The following RABGAP1L variants were observed in gnomAD, a reference collection of about 807,000 sequenced individuals.
RABGAP1L encodes the protein rab GTPase-activating protein 1-like.
Under a neutral mutation model 137.7 loss-of-function variants are expected in RABGAP1L, and 63 were observed. The ratio of observed to expected loss-of-function variants is 0.46; its 90% CI spans 0.37 to 0.56. The LOEUF (loss-of-function observed/expected upper bound fraction) is 0.56. RABGAP1L is among the 20% of genes least tolerant of loss of function. RABGAP1L has a pLI of 0.00. For synonymous variants in RABGAP1L, 431 were observed against 433.7 expected (o/e 0.99, Z 0.08); for missense variants, 1,095 against 1,244.0 (o/e 0.88, Z 1.80).
At chr1:174,249,597 A>G (rs1672548013) in intron 5 of RABGAP1L, among the ~76,000 whole-genome samples, 1 of 145,842 alleles carries the variant, frequency 6.9e-6, no homozygotes, top group Non-Finnish European at 1.5e-5. Context: ...TATTTGAAAG[A>G]TAGCTTTTTT....
chr1:174,368,538 G>C (rs1684839995), intron 11 of RABGAP1L, among the ~76,000 whole-genome samples: 2 of 152,070 alleles, frequency 1.3e-5, no homozygotes, highest in Non-Finnish European at 2.9e-5. Context: ...GCATTTAAAA[G>C]ATTCATGAAA....
At chr1:174,979,352 T>G (rs559516956) in intron 23 of RABGAP1L, among the ~76,000 whole-genome samples, 1 of 152,332 alleles carries the variant, frequency 6.6e-6, no homozygotes, top group East Asian at 1.9e-4. Flanking sequence ...AACTTATTAC[T>G]TATAGCTTAT....
chr1:174,435,556 T>C (rs1295601379), intron 13 of RABGAP1L, among the ~76,000 whole-genome samples: 1 of 152,206 alleles, frequency 6.6e-6, no homozygotes, highest in Non-Finnish European at 1.5e-5. Flanking sequence ...TTAGAATTTT[T>C]AATTGAAATT....
intron 7 of RABGAP1L, among the ~76,000 whole-genome samples, chr1:174,254,034 C>T (rs1231959958): frequency 6.6e-6 from 1 of 151,890 alleles, no homozygotes; most frequent in Non-Finnish European, 1.5e-5. Context: ...TGGCTGATGG[C>T]ATCATGGCCA....
Position 174,327,962 on chromosome 1 carries a change from TATATATATATATATATACACACAC to T in RABGAP1L, c.1465+22853_1465+22876del, listed in dbSNP as rs1282785466. ...AAAGGATATAACAGTTGTAAATATA[TATATATATATATATATACACACAC>T]ATATATATATATATATATATATATA... On this transcript the variant is annotated intron_variant, in intron 11 of 25. Coordinates refer to ENST00000681986, the MANE Select transcript of RABGAP1L (RefSeq NM_001366446.1). Among the ~76,000 whole-genome samples the T allele has an allele frequency of 1.9e-3, 24 of 12,908 alleles. 1 individual carries two copies. The highest frequency in any genetic ancestry group is 0.017 in the African/African-American group (24 of 1,444). The allele number at this position is 12,908 out of a possible 152,430, so 8.5% of individuals were successfully genotyped here.
At chr1:174,867,590 T>C (rs1651495717) in intron 19 of RABGAP1L, among the ~76,000 whole-genome samples, 1 of 152,202 alleles carries the variant, frequency 6.6e-6, no homozygotes, top group Non-Finnish European at 1.5e-5. Flanking sequence ...GGAAAAAACC[T>C]GAGCCTTTGT....
chr1:174,652,947 T>G (rs981999306), intron 14 of RABGAP1L, among the ~76,000 whole-genome samples: 6 of 152,162 alleles, frequency 3.9e-5, no homozygotes, highest in African/African-American at 1.4e-4. Context: ...GAGTTTTATC[T>G]CTAAGGTCCT....
At chr1:174,680,912 G>A (rs956613385) in intron 14 of RABGAP1L, among the ~76,000 whole-genome samples, 2 of 151,902 alleles carry the variant, frequency 1.3e-5, no homozygotes, top group African/African-American at 4.8e-5. Flanking sequence ...ACAAAAATCA[G>A]CAACACATAA....
chr1:174,803,437 A>C (rs1308182684), intron 18 of RABGAP1L, among the ~76,000 whole-genome samples: 7 of 152,244 alleles, frequency 4.6e-5, no homozygotes, highest in East Asian at 3.8e-4. Context: ...AGATGCAAAC[A>C]TCCTAGACAT....
intron 17 of RABGAP1L, among the ~76,000 whole-genome samples, chr1:174,717,781 A>C (rs975028002): frequency 6.6e-6 from 1 of 152,206 alleles, no homozygotes; most frequent in Non-Finnish European, 1.5e-5. Context: ...ATAACTTTAC[A>C]AGTACTGCTG....
At chr1:174,622,325 A>G (rs1672570061) in intron 13 of RABGAP1L, among the ~76,000 whole-genome samples, 1 of 152,232 alleles carries the variant, frequency 6.6e-6, no homozygotes, top group Non-Finnish European at 1.5e-5. Context: ...AACTAGGAAT[A>G]CCATTTGACC....
At chr1:174,632,088 G>A (rs1478536459) in intron 13 of RABGAP1L, among the ~76,000 whole-genome samples, 8 of 126,386 alleles carry the variant, frequency 6.3e-5, no homozygotes, top group African/African-American at 9.0e-5. Context: ...GGGCAGGCCT[G>A]GTGGTGACAA....
chr1:174,518,739 A>C (rs143553626), intron 13 of RABGAP1L, among the ~76,000 whole-genome samples: 1 of 152,308 alleles, frequency 6.6e-6, no homozygotes, highest in Non-Finnish European at 1.5e-5. Context: ...TGTATAAATA[A>C]GCTAATGGCT....
chr1:174,968,371 G>A (rs929240312), intron 20 of RABGAP1L, among the ~76,000 whole-genome samples: 2 of 152,084 alleles, frequency 1.3e-5, no homozygotes, highest in Admixed American at 1.3e-4. Context: ...GTTAACAGTA[G>A]CAAAGAAAGC....
intron 13 of RABGAP1L, among the ~76,000 whole-genome samples, chr1:174,630,779 CTCTT>C (rs1243265151): frequency 6.9e-6 from 1 of 145,658 alleles, no homozygotes; most frequent in Non-Finnish European, 1.5e-5. Flanking sequence ...TGATTCTTCT[CTCTT>C]TTTTTCTTTA....
chr1:174,816,876 G>A (rs1053797488), intron 19 of RABGAP1L, among the ~76,000 whole-genome samples: 29 of 152,096 alleles, frequency 1.9e-4, no homozygotes, highest in South Asian at 1.2e-3. Flanking sequence ...GACTACAGGC[G>A]TGCGCCACCA....
intron 21 of RABGAP1L, among the ~76,000 whole-genome samples, chr1:174,972,357 C>T (rs1266806821): frequency 1.3e-5 from 2 of 152,174 alleles, no homozygotes; most frequent in African/African-American, 2.4e-5. Context: ...ATCAGAGATC[C>T]TCATTTCTGA....
At chr1:174,578,272 C>A (rs1668512251) in intron 13 of RABGAP1L, among the ~76,000 whole-genome samples, 1 of 152,138 alleles carries the variant, frequency 6.6e-6, no homozygotes, top group South Asian at 2.1e-4. Context: ...GCAGCCTTGA[C>A]CTCCCAGGCT....
At chr1:174,337,982 G>A (rs1681629346) in intron 11 of RABGAP1L, among the ~76,000 whole-genome samples, 1 of 152,150 alleles carries the variant, frequency 6.6e-6, no homozygotes, top group Admixed American at 6.6e-5. Context: ...TGCAGTTTGA[G>A]TTGCGTTTGA....
Sources: allele counts gnomAD v4.1 joint callset (sites outside exome capture counted in the v4.1 genomes callset), GRCh38; gene constraint gnomAD v4.1.1; transcripts MANE v1.5; gene names NCBI Gene and HGNC (gene_info 2026-07-23, HGNC 2026-07-21).